Variants in NRXN3 observed in about 807,000 individuals in gnomAD.
The protein encoded by NRXN3 is neurexin 3.
A neutral mutation model predicts 137.6 loss-of-function variants in NRXN3; 32 were observed. The ratio of observed to expected loss-of-function variants is 0.23; its 90% confidence interval spans 0.18 to 0.31. NRXN3 has a LOEUF of 0.31. NRXN3 is among the 10% of genes least tolerant of loss of function. NRXN3 has a pLI of 1.00. For synonymous variants in NRXN3, 798 were observed against 784.5 expected (o/e 1.02, Z -0.29); for missense variants, 1,574 against 2,062.5 (o/e 0.76, Z 4.59).
chr14:79,615,598 G>A (rs1228768368), intron 16 of NRXN3, among the ~76,000 whole-genome samples: 1 of 152,120 alleles, frequency 6.6e-6, no homozygotes, highest in Non-Finnish European at 1.5e-5. Context: ...GGCTGGGAAG[G>A]CCTCAGGAAA....
chr14:78,338,626 T>C lies in NRXN3; in HGVS notation c.757+40766T>C, dbSNP rs554137056. Among the ~76,000 whole-genome samples, 5 of 152,272 alleles carry C rather than the reference T, an allele frequency of 3.3e-5. No homozygotes were observed. In the South Asian group the frequency reaches 8.3e-4, roughly 25 times the overall value. ...TGGGACAACCGACCCACTCAGATGCTTGGGGACAGGGGAAGTATATCAGTT... is the reference window on the plus strand; with the variant it reads ...TGGGACAACCGACCCACTCAGATGCCTGGGGACAGGGGAAGTATATCAGTT... On this transcript the variant is annotated intron_variant, in intron 4 of 20. Transcript: ENST00000335750.
intron 15 of NRXN3, among the ~76,000 whole-genome samples, chr14:79,041,950 C>T (rs757547099): frequency 2.0e-5 from 3 of 151,772 alleles, no homozygotes; most frequent in Non-Finnish European, 2.9e-5. Flanking sequence ...GAATAGTGAA[C>T]AACTAAAAAA....
intron 15 of NRXN3, among the ~76,000 whole-genome samples, chr14:79,429,485 G>A (rs990630245): frequency 5.3e-5 from 8 of 152,288 alleles, no homozygotes; most frequent in South Asian, 2.1e-4. Context: ...AGAGTTTCTC[G>A]TAGGAACTAT....
At chr14:78,756,196 A>G (rs1233875075) in intron 8 of NRXN3, among the ~76,000 whole-genome samples, 1 of 152,180 alleles carries the variant, frequency 6.6e-6, no homozygotes, top group Non-Finnish European at 1.5e-5. Flanking sequence ...ACACTTTTAA[A>G]TGGTTCACTA....
At chr14:79,380,261 T>A (rs2094431935) in intron 15 of NRXN3, among the ~76,000 whole-genome samples, 1 of 151,404 alleles carries the variant, frequency 6.6e-6, no homozygotes, top group Non-Finnish European at 1.5e-5. Context: ...GTTAGTTACA[T>A]ATGTATACAT....
At chr14:78,376,411 T>C (rs1381103903) in intron 4 of NRXN3, among the ~76,000 whole-genome samples, 7 of 152,208 alleles carry the variant, frequency 4.6e-5, no homozygotes, top group Non-Finnish European at 1.5e-5. Flanking sequence ...GATTTTTCAA[T>C]TTTAAAAACA....
At chr14:79,559,355 C>G (rs1267708144) in intron 16 of NRXN3, among the ~76,000 whole-genome samples, 1 of 152,044 alleles carries the variant, frequency 6.6e-6, no homozygotes, top group African/African-American at 2.4e-5. Context: ...TGAATACTTA[C>G]AGGCCATTGT....
At chr14:78,487,388 T>G (rs1475191688) in intron 4 of NRXN3, among the ~76,000 whole-genome samples, 1 of 152,172 alleles carries the variant, frequency 6.6e-6, no homozygotes, top group East Asian at 1.9e-4. Context: ...GGATAGTACT[T>G]CAAGAAAAAA....
chr14:78,853,576 A>G (rs1234411226), intron 10 of NRXN3, among the ~76,000 whole-genome samples: 2 of 152,148 alleles, frequency 1.3e-5, no homozygotes, highest in Non-Finnish European at 2.9e-5. Flanking sequence ...TTACTATAAT[A>G]TTTGTTAATT....
At chr14:79,285,238 A>G (rs919064098) in intron 15 of NRXN3, among the ~76,000 whole-genome samples, 2 of 152,212 alleles carry the variant, frequency 1.3e-5, no homozygotes, top group Non-Finnish European at 2.9e-5. Flanking sequence ...GAAATTTTAC[A>G]GTAAGAACTT....
At chr14:79,686,059 C>T (rs1024495991) in intron 17 of NRXN3, among the ~76,000 whole-genome samples, 4 of 151,816 alleles carry the variant, frequency 2.6e-5, no homozygotes, top group Admixed American at 6.6e-5. Flanking sequence ...TTTGGGAGGT[C>T]GAGGCGGGTG....
At chr14:78,382,210 C>T (rs2089251528) in intron 4 of NRXN3, among the ~76,000 whole-genome samples, 2 of 152,134 alleles carry the variant, frequency 1.3e-5, no homozygotes, top group African/African-American at 2.4e-5. Flanking sequence ...CCAGATATTG[C>T]CTGCTGGCTA....
intron 16 of NRXN3, among the ~76,000 whole-genome samples, chr14:79,479,498 C>T (rs1398569677): frequency 6.6e-6 from 1 of 151,716 alleles, no homozygotes; most frequent in African/African-American, 2.4e-5. Flanking sequence ...ATATATACTG[C>T]TTTTCATAAT....
intron 6 of NRXN3, among the ~76,000 whole-genome samples, chr14:78,659,666 C>T (rs915530597): frequency 1.7e-4 from 24 of 142,782 alleles, no homozygotes; most frequent in African/African-American, 4.5e-4. Flanking sequence ...GGCAACAGAG[C>T]GAGACTCTGT....
intron 20 of NRXN3, among the ~76,000 whole-genome samples, chr14:79,825,488 T>C (rs1298507340): frequency 6.6e-6 from 1 of 152,204 alleles, no homozygotes; most frequent in Non-Finnish European, 1.5e-5. Flanking sequence ...TTTAAAACGA[T>C]GCACAAAGAA....
At chr14:79,143,513 G>A (rs1335098763) in intron 15 of NRXN3, among the ~76,000 whole-genome samples, 4 of 152,176 alleles carry the variant, frequency 2.6e-5, no homozygotes, top group Non-Finnish European at 2.9e-5. Flanking sequence ...GTTCTGACAT[G>A]GTACCTTCTT....
chr14:78,384,923 C>T (rs1158498711), intron 4 of NRXN3, among the ~76,000 whole-genome samples: 1 of 152,106 alleles, frequency 6.6e-6, no homozygotes, highest in African/African-American at 2.4e-5. Flanking sequence ...CAGCATGTAG[C>T]TAATTAAGAA....
At chr14:78,930,246 G>A (rs1170746175) in intron 10 of NRXN3, among the ~76,000 whole-genome samples, 2 of 152,176 alleles carry the variant, frequency 1.3e-5, no homozygotes, top group African/African-American at 4.8e-5. Flanking sequence ...ATATGCCTCA[G>A]CAGATGGTCT....
chr14:79,712,262 TA>T, intron 19 of NRXN3, among the ~76,000 whole-genome samples: 1 of 152,312 alleles, frequency 6.6e-6, no homozygotes, highest in East Asian at 1.9e-4. Flanking sequence ...TTTGACATAT[TA>T]ACTAATGACT....
Sources: gnomAD v4.1 joint callset for allele counts (sites outside exome capture counted in the v4.1 genomes callset) on GRCh38, gnomAD v4.1.1 for gene constraint, MANE v1.5 for transcripts, NCBI Gene and HGNC (gene_info 2026-07-23, HGNC 2026-07-21) for gene names.